The following SCAPER variants were observed in gnomAD, a reference collection of about 807,000 sequenced individuals.
SCAPER encodes the protein S phase cyclin A-associated protein in the endoplasmic reticulum.
Under a neutral mutation model 182.2 loss-of-function variants are expected in SCAPER, and 98 were observed. That is an observed-to-expected ratio of 0.54 (90% CI 0.46 to 0.64). The LOEUF is 0.64. SCAPER is among the 30% of genes least tolerant of loss of function. SCAPER has a pLI of 0.00. For synonymous variants in SCAPER, 605 were observed against 564.6 expected (o/e 1.07, Z -1.01); for missense variants, 1,432 against 1,690.0 (o/e 0.85, Z 2.68).
chr15:76,792,206 T>C (rs930437700), intron 8 of SCAPER, among the ~76,000 whole-genome samples: 1 of 152,096 alleles, frequency 6.6e-6, no homozygotes, highest in Non-Finnish European at 1.5e-5. Context: ...TTGAGGACTT[T>C]CATCCTCACT....
chr15:76,504,871 C>A lies in SCAPER; in HGVS notation c.2942G>T (p.Arg981Ile), dbSNP rs956103642. 5 of 1,608,082 alleles carry A rather than the reference C, an allele frequency of 3.1e-6. No homozygotes were observed. The South Asian group carries it at 4.5e-5, about 14-fold the overall frequency. The part of the protein sequence containing the change: ...VPATNVNTVL[R>I]IPPKSLCNAI... ...AAACTATACTTACTTAGGAGGAATT[C>A]TTAAAACTGTGTTCACATTTGTGGC... Residue 981 changes from arginine (R) to isoleucine (I), a missense_variant, in exon 24 of 32, where the codon AGA (arginine) becomes ATA (isoleucine). Physicochemically the swap from Arg to Ile is moderately conservative, Grantham distance 97. This residue lies in a region of SCAPER where 718 missense variants were observed against 799.7 expected (regional missense o/e 0.90). Coordinates refer to ENST00000563290, the MANE Select transcript of SCAPER (RefSeq NM_020843.4).
At chr15:76,849,920 G>C (rs1462106629) in intron 4 of SCAPER, among the ~76,000 whole-genome samples, 4 of 152,206 alleles carry the variant, frequency 2.6e-5, no homozygotes, top group Non-Finnish European at 4.4e-5. Flanking sequence ...TGGCAGGACA[G>C]AGTGAGTGCC....
chr15:76,417,012 C>T (rs1423125567), intron 26 of SCAPER, among the ~76,000 whole-genome samples: 1 of 151,994 alleles, frequency 6.6e-6, no homozygotes, highest in African/African-American at 2.4e-5. Flanking sequence ...TTACAGTGAG[C>T]TATGATCATG....
chr15:76,499,633 C>T (rs1013802307), intron 24 of SCAPER, among the ~76,000 whole-genome samples: 3 of 152,262 alleles, frequency 2.0e-5, no homozygotes, highest in Non-Finnish European at 2.9e-5. Flanking sequence ...GTACAGCAGA[C>T]GGAGTACTTG....
At chr15:76,576,405 C>A (rs944229866) in intron 22 of SCAPER, among the ~76,000 whole-genome samples, 16 of 152,132 alleles carry the variant, frequency 1.1e-4, no homozygotes, top group Non-Finnish European at 2.1e-4. Flanking sequence ...AAAATACTTT[C>A]ATGTACATGA....
rs145949982 is a variant in SCAPER, at chr15:76,678,631, T to C, written c.2509-12842A>G. Among the ~76,000 whole-genome samples, 316 of 151,606 alleles carry C rather than the reference T, an allele frequency of 2.1e-3. 1 individual carries two copies. The highest frequency in any genetic ancestry group is 5.8e-3 in the South Asian group (28 of 4,790). On this transcript the variant is annotated intron_variant, in intron 20 of 31. Transcript: ENST00000563290. ...AGAGAAGTAAAAGGTGAGGAAGGTA[T>C]AGGAGGGCAGGAAAGAGATCAAGGT... is the stretch of plus-strand genomic sequence containing the variant.
At chr15:76,710,516 A>G (rs138010101) in intron 17 of SCAPER, among the ~76,000 whole-genome samples, 72 of 152,250 alleles carry the variant, frequency 4.7e-4, no homozygotes, top group African/African-American at 1.6e-3. Flanking sequence ...AAATGAACCA[A>G]AGAAAACAAT....
intron 21 of SCAPER, among the ~76,000 whole-genome samples, chr15:76,652,271 AAAATATATATATAT>A (rs1388805315): frequency 6.5e-5 from 1 of 15,364 alleles, no homozygotes; most frequent in Non-Finnish European, 1.2e-4. Context: ...AAAAAAAAAA[AAAATATATATATAT>A]ATATATATAT....
intron 15 of SCAPER, among the ~76,000 whole-genome samples, chr15:76,739,797 A>C (rs1245413264): frequency 6.6e-6 from 1 of 152,234 alleles, no homozygotes; most frequent in South Asian, 2.1e-4. Context: ...AAACAAACAG[A>C]GTACAAAAGT....
intron 23 of SCAPER, among the ~76,000 whole-genome samples, chr15:76,509,453 T>C (rs2041856652): frequency 1.3e-5 from 2 of 152,302 alleles, no homozygotes; most frequent in Non-Finnish European, 2.9e-5. Context: ...AAGCTTACCC[T>C]AACCAGCCCA....
intron 15 of SCAPER, among the ~76,000 whole-genome samples, chr15:76,735,452 CT>C (rs1798011522): frequency 6.6e-6 from 1 of 151,924 alleles, no homozygotes; most frequent in Admixed American, 6.6e-5. Flanking sequence ...AATCCCAGTA[CT>C]TTGGGAGGCC....
chr15:76,516,454 ACATG>A (rs966355346), intron 23 of SCAPER, among the ~76,000 whole-genome samples: 23 of 151,674 alleles, frequency 1.5e-4, no homozygotes, highest in African/African-American at 5.1e-4. Context: ...ATGAGTGAAA[ACATG>A]CAGTGTTTGG....
Position 76,639,041 on chromosome 15 carries a change from T to C in SCAPER, c.2646-17212A>G, listed in dbSNP as rs537388628. On this transcript the variant is annotated intron_variant, in intron 21 of 31. Coordinates refer to ENST00000563290, the MANE Select transcript of SCAPER (RefSeq NM_020843.4). The stretch of plus-strand genomic sequence containing the variant: ...CTAAATAGAAAATGCCTGTCTTGTT[T>C]TTAAAAACAGAAAGGAAGAATAAAT... Among the ~76,000 whole-genome samples, 393 of 152,286 alleles carry C rather than the reference T, an allele frequency of 2.6e-3. 2 individuals are homozygous for C. The highest frequency in any genetic ancestry group is 9.1e-3 in the African/African-American group (377 of 41,552).
chr15:76,810,365 G>A (rs760287516), intron 5 of SCAPER, among the ~76,000 whole-genome samples: 6 of 151,812 alleles, frequency 4.0e-5, no homozygotes, highest in Non-Finnish European at 7.4e-5. Context: ...TAATGTGGGA[G>A]CAAGAGACAT....
chr15:76,726,763 T>C (rs2060621205), intron 17 of SCAPER, among the ~76,000 whole-genome samples: 1 of 152,058 alleles, frequency 6.6e-6, no homozygotes, highest in Non-Finnish European at 1.5e-5. Context: ...ATTCCACTTA[T>C]ATAAGATCCC....
chr15:76,533,393 T>C (rs1251047800), intron 23 of SCAPER, among the ~76,000 whole-genome samples: 1 of 152,204 alleles, frequency 6.6e-6, no homozygotes, highest in East Asian at 1.9e-4. Flanking sequence ...AATACATGAA[T>C]ACTTACCATT....
At chr15:76,700,559 C>T (rs1461041871) in intron 20 of SCAPER, among the ~76,000 whole-genome samples, 2 of 152,200 alleles carry the variant, frequency 1.3e-5, no homozygotes, top group African/African-American at 2.4e-5. Context: ...CCTTCCTCTA[C>T]TCTCAATGCC....
At chr15:76,605,213 T>C (rs982583414) in intron 22 of SCAPER, among the ~76,000 whole-genome samples, 1 of 152,214 alleles carries the variant, frequency 6.6e-6, no homozygotes, top group Non-Finnish European at 1.5e-5. Context: ...ACCTAACTTA[T>C]TGAAAGTTTT....
chr15:76,404,620 C>T lies in SCAPER; in HGVS notation c.3371G>A (p.Gly1124Asp). 1 of 1,613,298 alleles carries T rather than the reference C, an allele frequency of 6.2e-7. No individual in the cohort carries two copies. Among genetic ancestry groups the T allele is most frequent in the Non-Finnish European group, 8.5e-7 (1 of 1,179,724 alleles). ...CATCTTGGGATTCTCATCCACTGGGCCTTGCACCGAGAGGAAGCAGGCACA... is the reference window on the plus strand; with the variant it reads ...CATCTTGGGATTCTCATCCACTGGGTCTTGCACCGAGAGGAAGCAGGCACA... Reference protein sequence around the residue: ...KLCACFLSVQGPVDENPKMAI... With the variant: ...KLCACFLSVQDPVDENPKMAI... The change falls in exon 27 of 32, where the codon GGC (glycine) becomes GAC (aspartate). Residue 1124 changes from glycine to aspartate, a missense_variant. Coordinates refer to ENST00000563290, the MANE Select transcript of SCAPER (RefSeq NM_020843.4).
Sources: gnomAD v4.1 joint callset for allele counts (sites outside exome capture counted in the v4.1 genomes callset) on GRCh38, gnomAD v4.1.1 for gene constraint, gnomAD v4.1.1 regional missense constraint, MANE v1.5 for transcripts, NCBI Gene and HGNC (gene_info 2026-07-23, HGNC 2026-07-21) for gene names.